Variants in TNRC6C observed in about 807,000 individuals in gnomAD.
TNRC6C encodes the protein trinucleotide repeat containing adaptor 6C, also known as trinucleotide repeat-containing gene 6C protein.
In TNRC6C, 20 loss-of-function variants were observed where a neutral mutation model predicts 153.7. The ratio of observed to expected loss-of-function variants is 0.13; its 90% confidence interval spans 0.09 to 0.19. The LOEUF (loss-of-function observed/expected upper bound fraction) is 0.19, where lower values mean the gene tolerates loss of function less well. Among genes scored for constraint, TNRC6C ranks in the 10% least tolerant of loss-of-function variants. The probability of loss-of-function intolerance (pLI) is 1.00; values close to 1 mark genes in which losing one functional copy is unlikely to be tolerated. For synonymous variants in TNRC6C, 811 were observed against 841.4 expected (o/e 0.96, Z 0.63); for missense variants, 1,987 against 2,172.0 (o/e 0.91, Z 1.69).
At chr17:78,000,633 CA>C (rs2071399545), upstream of TNRC6C, among the ~76,000 whole-genome samples, 2 of 108,160 alleles carry the variant, frequency 1.8e-5, no homozygotes, top group African/African-American at 7.2e-5. Context: ...CCCCCCCCCA[CA>C]CACACACAAA....
intron 1 of TNRC6C, among the ~76,000 whole-genome samples, chr17:77,995,909 C>T (rs932336230): frequency 2.0e-5 from 3 of 152,132 alleles, no homozygotes; most frequent in African/African-American, 4.8e-5. Context: ...ACTGTCTCCA[C>T]AAAAAATTTA....
At chr17:77,989,248 T>C (rs578004719) in intron 1 of TNRC6C, among the ~76,000 whole-genome samples, 1 of 152,336 alleles carries the variant, frequency 6.6e-6, no homozygotes, top group African/African-American at 2.4e-5. Flanking sequence ...TCCTAGGTAT[T>C]CTGTGCCTGG....
exon 20 of TNRC6C, chr17:78,106,644 G>A (rs1424086561): frequency 4.0e-5 from 6 of 151,460 alleles, no homozygotes; most frequent in African/African-American, 1.5e-4. Flanking sequence ...CCAAATAATG[G>A]ACTCAAAAGA....
chr17:78,058,514 T>C (rs1458977357), intron 3 of TNRC6C, among the ~76,000 whole-genome samples: 2 of 152,258 alleles, frequency 1.3e-5, no homozygotes, highest in African/African-American at 2.4e-5. Flanking sequence ...CAGATTTCAC[T>C]GAAATGTAGA....
chr17:78,070,954 A>G (rs924236903), intron 5 of TNRC6C, 131 bp from the exon 8 acceptor site: 2 of 851,000 alleles, frequency 2.4e-6, no homozygotes, highest in East Asian at 2.7e-5. Context: ...GGAATACAGC[A>G]TTATTCAATG....
chr17:78,089,876 TC>T (rs2144538310), intron 13 of TNRC6C, among the ~76,000 whole-genome samples: 1 of 152,276 alleles, frequency 6.6e-6, no homozygotes, highest in East Asian at 1.9e-4. Context: ...CTGGCTTGTT[TC>T]AGGGGCCCAT....
At chr17:78,031,567 G>A in exon 2 of TNRC6C, 3 of 1,232,310 alleles carry the variant, frequency 2.4e-6, no homozygotes, top group Non-Finnish European at 2.0e-6. Context: ...GCCGGTACCA[G>A]TACCAGTACT....
upstream of TNRC6C, among the ~76,000 whole-genome samples, chr17:77,958,824 CT>C (rs1308079208): frequency 2.0e-4 from 30 of 147,816 alleles, no homozygotes; most frequent in Middle Eastern, 3.5e-3. Context: ...GGGCCGCCCC[CT>C]GACAGGGCAG....
rs1212900362 is a variant in TNRC6C, at chr17:78,075,162, G to A, written c.2944G>A (p.Val982Met). 2 of 1,613,252 alleles carry A rather than the reference G, an allele frequency of 1.2e-6. No individual in the cohort carries two copies. Among genetic ancestry groups the A allele is most frequent in the East Asian group, 2.2e-5 (1 of 44,876 alleles). Residue 982 changes from valine to methionine, a missense_variant, in exon 8 of 20, where the codon GTG becomes ATG. Physicochemically the swap from Val to Met is conservative, Grantham distance 21. Around this residue, in one of 4 missense-constraint regions of TNRC6C, gnomAD observed 765 missense variants for 908.6 expected, o/e 0.84. Coordinates refer to ENST00000301624, the Ensembl canonical transcript of TNRC6C. This position sits in a 1 kb window ranked among gnomAD's most constrained non-coding sequence, Gnocchi z 4.2. ...CGCTCTGCTGGAAAAGAAGGTGGAC[G>A]TGGACAAGCGTGGGCTGGGAGTGAC...
intron 3 of TNRC6C, among the ~76,000 whole-genome samples, chr17:78,061,777 G>A (rs770229432): frequency 2.0e-5 from 3 of 152,146 alleles, no homozygotes; most frequent in South Asian, 2.1e-4. Context: ...GAAACATGAT[G>A]CTTGCAAGTC....
intron 14 of TNRC6C, among the ~76,000 whole-genome samples, chr17:78,092,239 A>G (rs749255380): frequency 6.6e-6 from 1 of 152,262 alleles, no homozygotes; most frequent in Non-Finnish European, 1.5e-5. Context: ...CATTCTAAAA[A>G]GAAAAAGGAA....
chr17:78,006,820 A>ATTTTTTTT, intron 1 of TNRC6C, among the ~76,000 whole-genome samples: 1 of 145,930 alleles, frequency 6.9e-6, no homozygotes, highest in Non-Finnish European at 1.5e-5. Flanking sequence ...TTATTTATTT[A>ATTTTTTTT]TTTATTTATT....
rs761567961 is a variant in TNRC6C, at chr17:78,104,875, G to T, written c.*30G>T. 7.2e-7 allele frequency: 1 copy of T among 1,389,454 alleles called. No individual in the cohort carries two copies. Among genetic ancestry groups the T allele is most frequent in the South Asian group, 1.6e-5 (1 of 61,272 alleles). 86.1% of individuals were successfully genotyped at this position (1,389,454 alleles called of 1,614,324 possible). A position where few individuals can be genotyped will look rare whatever the true frequency, so the allele number is the denominator to read the frequency against. On this transcript the variant is annotated 3_prime_UTR_variant, in exon 20 of 20. Coordinates refer to ENST00000301624, the Ensembl canonical transcript of TNRC6C. This position sits in a 1 kb window ranked among gnomAD's most constrained non-coding sequence, Gnocchi z 6.2. ...TGCCATCATCAGCACCAGGAGAGCC[G>T]ACCCCTCCCGGGACCCCTCCCGGCT...
intron 1 of TNRC6C, among the ~76,000 whole-genome samples, chr17:77,975,068 TACTG>T (rs2070978977): frequency 1.3e-5 from 2 of 152,166 alleles, no homozygotes; most frequent in Non-Finnish European, 2.9e-5. Context: ...TTAAATATGA[TACTG>T]AGGAGGATGA....
intron 16 of TNRC6C, among the ~76,000 whole-genome samples, chr17:78,095,812 C>G (rs9913902): frequency 0.11 from 16,711 of 152,194 alleles, 1,062 homozygotes; most frequent in East Asian, 0.18. Flanking sequence ...GGGTGGCCAA[C>G]GTGGGAGAAT....
At position 78,049,382 on chromosome 17, in the gene TNRC6C, C is replaced by G; in HGVS notation, c.320C>G (p.Ala107Gly). 6.2e-7 allele frequency: 1 copy of G among 1,613,990 alleles called. No individual in the cohort carries two copies. The highest frequency in any genetic ancestry group is 2.2e-5 in the East Asian group (1 of 44,882). ...AACCTTAATCCTAATGCCAACCCAG[C>G]TGCCTGGCCTGTACTTGGACATGAA... is the stretch of plus-strand genomic sequence containing the variant. The change falls in exon 3 of 20, where the codon GCT becomes GGT. Residue 107 changes from alanine (A) to glycine (G), a missense_variant. This residue lies in a region of TNRC6C where 1,052 missense variants were observed against 1,017.0 expected (regional missense o/e 1.03). Transcript: ENST00000301624. This position sits in a 1 kb window ranked among gnomAD's most constrained non-coding sequence, Gnocchi z 4.1.
At chr17:78,105,019 C>T in exon 20 of TNRC6C, 4 of 733,714 alleles carry the variant, frequency 5.5e-6, no homozygotes, top group Non-Finnish European at 7.7e-6. Flanking sequence ...ACAGTGCGGG[C>T]TGCGGTGGGT....
At chr17:77,967,433 G>C (rs558071845) in intron 1 of TNRC6C, among the ~76,000 whole-genome samples, 1 of 152,196 alleles carries the variant, frequency 6.6e-6, no homozygotes, top group East Asian at 1.9e-4. Flanking sequence ...AATTGAACAT[G>C]TTTCTTCGGT....
intron 17 of TNRC6C, among the ~76,000 whole-genome samples, chr17:78,101,334 A>C (rs1161991141): frequency 6.6e-6 from 1 of 152,092 alleles, no homozygotes; most frequent in Non-Finnish European, 1.5e-5. Flanking sequence ...TGCAGCCTGG[A>C]CTTTATTGTC....
Sources: allele counts gnomAD v4.1 joint callset (sites outside exome capture counted in the v4.1 genomes callset), GRCh38; gene constraint gnomAD v4.1.1; regional missense constraint gnomAD v4.1.1; non-coding constraint Gnocchi (gnomAD v3.1); transcripts MANE v1.5; gene names NCBI Gene and HGNC (gene_info 2026-07-23, HGNC 2026-07-21).